Variants in GNPTAB observed in about 807,000 individuals in gnomAD.
The protein encoded by GNPTAB is N-acetylglucosamine-1-phosphate transferase subunits alpha and beta, also known as N-acetylglucosamine-1-phosphotransferase subunits alpha/beta.
Under a neutral mutation model 136.6 loss-of-function variants are expected in GNPTAB, and 92 were observed. That is an observed-to-expected ratio of 0.67 (90% CI 0.57 to 0.80). The LOEUF (loss-of-function observed/expected upper bound fraction) is 0.80, where lower values mean the gene tolerates loss of function less well. Among genes scored for constraint, GNPTAB ranks in the 30% least tolerant of loss-of-function variants. The probability of loss-of-function intolerance (pLI) is 0.00; values close to 1 mark genes in which losing one functional copy is unlikely to be tolerated. For synonymous variants in GNPTAB, 512 were observed against 535.1 expected (o/e 0.96, Z 0.60); for missense variants, 1,343 against 1,501.8 (o/e 0.89, Z 1.75).
At chr12:101,826,950 G>GTGTTTT in intron 1 of GNPTAB, among the ~76,000 whole-genome samples, 1 of 62,356 alleles carries the variant, frequency 1.6e-5, no homozygotes, top group South Asian at 6.4e-4. Flanking sequence ...TGTGGGAGTT[G>GTGTTTT]TTTTTTTTTT....
intron 1 of GNPTAB, among the ~76,000 whole-genome samples, chr12:101,817,848 G>A (rs2137182422): frequency 6.6e-6 from 1 of 152,160 alleles, no homozygotes; most frequent in East Asian, 1.9e-4. Flanking sequence ...TACTTGATGT[G>A]GGATTTTCAC....
intron 11 of GNPTAB, among the ~76,000 whole-genome samples, chr12:101,767,679 A>G (rs1357022078): frequency 6.6e-6 from 1 of 152,198 alleles, no homozygotes; most frequent in African/African-American, 2.4e-5. Flanking sequence ...TTAGAGTACA[A>G]TGGTGCAATC....
chr12:101,784,487 G>A (rs1868516968), intron 5 of GNPTAB, among the ~76,000 whole-genome samples: 1 of 152,184 alleles, frequency 6.6e-6, no homozygotes, highest in Non-Finnish European at 1.5e-5. Context: ...AACATGAACT[G>A]CTATATTATT....
intron 1 of GNPTAB, among the ~76,000 whole-genome samples, chr12:101,821,506 C>T (rs78241632): frequency 0.01 from 1,530 of 152,280 alleles, 28 homozygotes; most frequent in African/African-American, 0.035. Flanking sequence ...ATACAAGATA[C>T]CACATTCCAA....
chr12:101,749,042 C>G, intron 20 of GNPTAB, 59 bp downstream of exon 20: 1 of 952,630 alleles, frequency 1.0e-6, no homozygotes, highest in Non-Finnish European at 1.7e-6. Context: ...CTAAAACATT[C>G]AGATGCTAGT....
In GNPTAB at chr12:101,757,587, T is replaced by A. The variant is rs1157466277; in HGVS notation, c.3320A>T (p.Asp1107Val). 8 of 1,535,736 alleles carry A rather than the reference T, an allele frequency of 5.2e-6. No individual in the cohort carries two copies. The Admixed American group carries it at 1.2e-4, about 22-fold the overall frequency. The change falls in exon 17 of 21, where the codon GAC (aspartate) becomes GTC (valine). Residue 1107 changes from aspartate (D) to valine (V), a missense_variant. By Grantham distance (152) the Asp-to-Val change is radical. Coordinates refer to ENST00000299314, the MANE Select transcript of GNPTAB (RefSeq NM_024312.5). Reference sequence around the variant, plus strand: ...TACTACTTACCTATATTTGTTTTTGTCCTTATATGCTTTGTGGATTTTGTC... The same window carrying A: ...TACTACTTACCTATATTTGTTTTTGACCTTATATGCTTTGTGGATTTTGTC... The part of the protein sequence containing the change: ...VTDKIHKAYK[D>V]KNKYRFEIMG...
At chr12:101,796,351 C>T in intron 2 of GNPTAB, 1 of 695,492 alleles carries the variant, frequency 1.4e-6, no homozygotes, top group Non-Finnish European at 2.6e-6. Context: ...ATTTTTCACC[C>T]ACAAAATGTG....
At chr12:101,811,589 T>C (rs1870236186) in intron 1 of GNPTAB, among the ~76,000 whole-genome samples, 1 of 151,548 alleles carries the variant, frequency 6.6e-6, no homozygotes, top group Non-Finnish European at 1.5e-5. Flanking sequence ...CACATCCTCT[T>C]ACGTGGCCGG....
At chr12:101,827,974 C>CA (rs1258145823) in intron 1 of GNPTAB, among the ~76,000 whole-genome samples, 18 of 151,376 alleles carry the variant, frequency 1.2e-4, no homozygotes, top group Admixed American at 3.3e-4. Flanking sequence ...CAAAACAAAA[C>CA]AAAAAAAACA....
intron 4 of GNPTAB, among the ~76,000 whole-genome samples, chr12:101,787,972 A>G (rs1049038870): frequency 1.3e-5 from 2 of 151,912 alleles, no homozygotes; most frequent in Non-Finnish European, 2.9e-5. Context: ...TTCTCTATCA[A>G]TAAGTGTTTT....
At chr12:101,780,534 C>T (rs1229932878) in intron 6 of GNPTAB, 23 bp downstream of exon 6, 2 of 1,524,588 alleles carry the variant, frequency 1.3e-6, no homozygotes, top group Admixed American at 3.3e-5. Flanking sequence ...TGTAAAAATG[C>T]AATTAAATTT....
intron 10 of GNPTAB, among the ~76,000 whole-genome samples, chr12:101,768,540 C>T (rs1953127573): frequency 6.6e-6 from 1 of 152,168 alleles, no homozygotes; most frequent in African/African-American, 2.4e-5. Context: ...ACAGTCACTG[C>T]TTTTCTGTAA....
chr12:101,749,849 G>A (rs1352634070), intron 19 of GNPTAB, among the ~76,000 whole-genome samples: 1 of 152,250 alleles, frequency 6.6e-6, no homozygotes, highest in African/African-American at 2.4e-5. Flanking sequence ...TAAGCCAGGT[G>A]AAGGCGAGAG....
chr12:101,749,090 A>G lies in GNPTAB; in HGVS notation c.3693+11T>C. ...ACCATTTAATACCCACATAAAATAT[A>G]TAAAACTTACCTGCTCAGCAAAAAA... On this transcript the variant is annotated intron_variant, in intron 20 of 20. Coordinates refer to ENST00000299314, the MANE Select transcript of GNPTAB (RefSeq NM_024312.5). 4 of 1,483,044 alleles carry G rather than the reference A, an allele frequency of 2.7e-6. No individual in the cohort carries two copies. The highest frequency in any genetic ancestry group is 3.8e-6 in the Non-Finnish European group (4 of 1,060,846). The allele number at this position is 1,483,044 out of a possible 1,614,324, so 91.9% of individuals were successfully genotyped here. A position where few individuals can be genotyped will look rare whatever the true frequency, so the allele number is the denominator to read the frequency against.
rs762271554 is a variant in GNPTAB at position 101,768,016 on chromosome 12, TAC to T, written c.1408+19_1408+20del. 9.3e-6 allele frequency: 15 copies of T among 1,612,698 alleles called. No homozygotes were observed. Among genetic ancestry groups the T allele is most frequent in the Non-Finnish European group, 1.3e-5 (15 of 1,178,662 alleles). ...AAATATTCCATAAAAATGAACGAATTACAGTTTAACACATCCTTACCAGAGCA... is the reference window on the plus strand; with the variant it reads ...AAATATTCCATAAAAATGAACGAATTAGTTTAACACATCCTTACCAGAGCA... On this transcript the variant is annotated intron_variant, in intron 11 of 20. Transcript: ENST00000299314.
chr12:101,751,405 C>A (rs1952817008), intron 19 of GNPTAB, among the ~76,000 whole-genome samples: 1 of 152,184 alleles, frequency 6.6e-6, no homozygotes, highest in Non-Finnish European at 1.5e-5. Context: ...AGACTGTGAG[C>A]ATCTCAAGGC....
chr12:101,779,648 G>A (rs970684396), intron 7 of GNPTAB: 1 of 169,664 alleles, frequency 5.9e-6, no homozygotes, highest in Non-Finnish European at 1.3e-5. Flanking sequence ...TGAAAGCTTT[G>A]GGTAAACAAC....
chr12:101,822,043 G>A (rs1870826320), intron 1 of GNPTAB, among the ~76,000 whole-genome samples: 2 of 152,186 alleles, frequency 1.3e-5, no homozygotes, highest in South Asian at 2.1e-4. Context: ...GTCTCATCAG[G>A]GGAAAAGCAG....
intron 6 of GNPTAB, 126 bp from the exon 7 acceptor site, chr12:101,780,412 A>C (rs1953324316): frequency 8.8e-7 from 1 of 1,137,832 alleles, no homozygotes; most frequent in South Asian, 1.3e-5. Context: ...TTTTAGGATT[A>C]CTTGAATCAA....
Sources: allele counts gnomAD v4.1 joint callset (sites outside exome capture counted in the v4.1 genomes callset), GRCh38; gene constraint gnomAD v4.1.1; transcripts MANE v1.5; gene names NCBI Gene and HGNC (gene_info 2026-07-23, HGNC 2026-07-21).